The following TEX101 variants were observed in gnomAD, a reference collection of about 807,000 sequenced individuals.
TEX101 encodes the protein testis-expressed protein 101.
A neutral mutation model predicts 18.1 loss-of-function variants in TEX101; 10 were observed. The ratio of observed to expected loss-of-function variants is 0.55; its 90% CI spans 0.34 to 0.94. The LOEUF (loss-of-function observed/expected upper bound fraction) is 0.94. TEX101 is among the 40% of genes least tolerant of loss of function. The pLI is 0.02. For synonymous variants in TEX101, 94 were observed against 114.8 expected, an observed-to-expected ratio of 0.82 and a Z score of 1.16; for missense variants, 259 against 298.9, an observed-to-expected ratio of 0.87 and a Z score of 0.98.
chr19:43,412,756 T>G (rs1970429854), upstream of TEX101, among the ~76,000 whole-genome samples: 1 of 152,168 alleles, frequency 6.6e-6, no homozygotes, highest in African/African-American at 2.4e-5. Flanking sequence ...ACCAATCCCT[T>G]TCTTATTGTG....
upstream of TEX101, among the ~76,000 whole-genome samples, chr19:43,410,493 C>A (rs1970408967): frequency 6.6e-6 from 1 of 152,078 alleles, no homozygotes; most frequent in Non-Finnish European, 1.5e-5. Context: ...CCCAGGAATA[C>A]AGGAAGCATG....
chr19:43,411,223 C>T (rs534106234), upstream of TEX101, among the ~76,000 whole-genome samples: 17 of 152,230 alleles, frequency 1.1e-4, no homozygotes, highest in Admixed American at 3.3e-4. Flanking sequence ...ATTACAGGGG[C>T]GCACCACCAC....
At chr19:43,405,527 T>C (rs1970352719) in intron 2 of TEX101, among the ~76,000 whole-genome samples, 1 of 86,118 alleles carries the variant, frequency 1.2e-5, no homozygotes, top group Admixed American at 1.8e-4. Context: ...GCCAAGACCA[T>C]GACAAGAACA....
upstream of TEX101, among the ~76,000 whole-genome samples, chr19:43,400,757 G>A (rs1378826518): frequency 6.6e-6 from 1 of 151,984 alleles, no homozygotes. Context: ...TTTTAATAAG[G>A]TAAAATATTT....
chr19:43,403,726 T>C (rs1437251474), intron 2 of TEX101, among the ~76,000 whole-genome samples: 1 of 151,466 alleles, frequency 6.6e-6, no homozygotes, highest in African/African-American at 2.4e-5. Context: ...AGTATTAAGC[T>C]ACTGGACTCT....
rs545401900 is a variant in TEX101, at chr19:43,418,502, T to A, written c.*105T>A. On this transcript the variant is annotated 3_prime_UTR_variant, in exon 6 of 6. Transcript: ENST00000598265. ...GAGTAGATGGGAATTTGAGGGAGAA[T>A]ACAGAGATACTATGAACGTATTTGA... is the stretch of plus-strand genomic sequence containing the variant. 3 of 878,806 alleles carry A rather than the reference T, an allele frequency of 3.4e-6. No individual in the cohort carries two copies. In the African/African-American group the frequency reaches 5.0e-5, roughly 15 times the overall value. 54.4% of individuals were successfully genotyped at this position (878,806 alleles called of 1,614,324 possible). A position where few individuals can be genotyped will look rare whatever the true frequency, so the allele number is the denominator to read the frequency against.
At chr19:43,388,890 C>T in the TEX101 span, among the ~76,000 whole-genome samples, 1 of 152,006 alleles carries the variant, frequency 6.6e-6, no homozygotes, top group Non-Finnish European at 1.5e-5. Flanking sequence ...TTCCAGCAAC[C>T]CCCACCCAAC....
At chr19:43,405,779 G>A (rs1374594807) in intron 2 of TEX101, among the ~76,000 whole-genome samples, 1 of 151,624 alleles carries the variant, frequency 6.6e-6, no homozygotes, top group Non-Finnish European at 1.5e-5. Context: ...AGCTGGGCGT[G>A]GTGGCATGTG....
chr19:43,389,188 GT>G, the TEX101 span, among the ~76,000 whole-genome samples: 1 of 152,230 alleles, frequency 6.6e-6, no homozygotes, highest in South Asian at 2.1e-4. Context: ...CTGCAGTGCA[GT>G]TTTTAAATGC....
chr19:43,391,406 C>CTTTTTTTTTTTTTTTTT, the TEX101 span, among the ~76,000 whole-genome samples: 1 of 95,894 alleles, frequency 1.0e-5, no homozygotes, highest in Non-Finnish European at 2.0e-5. Flanking sequence ...TTCTGTTTTT[C>CTTTTTTTTTTTTTTTTT]TTTTTTTTTT....
intron 3 of TEX101, among the ~76,000 whole-genome samples, chr19:43,409,625 A>C (rs1259308938): frequency 6.6e-6 from 1 of 151,964 alleles, no homozygotes; most frequent in Non-Finnish European, 1.5e-5. Context: ...AAAAAAAAAA[A>C]AGAAAGAAAG....
upstream of TEX101, among the ~76,000 whole-genome samples, chr19:43,410,102 T>C (rs1970405481): frequency 6.6e-6 from 1 of 152,094 alleles, no homozygotes; most frequent in South Asian, 2.1e-4. Flanking sequence ...TTTTGTAAGG[T>C]TTGCAGAAGA....
At position 43,417,927 on chromosome 19, in the gene TEX101, G is replaced by A. The variant is rs748094009; in HGVS notation, c.441G>A (p.Gly147=). Reference sequence around the variant, plus strand: ...ATTGTCCAACCTGTGTGGCTTTGGGGACCTGTTTCAGTGCTCCTTCTCTTC... The same window carrying A: ...ATTGTCCAACCTGTGTGGCTTTGGGAACCTGTTTCAGTGCTCCTTCTCTTC... ...TLHCPTCVAL[G]TCFSAPSLPC... Residue 147 remains glycine (G), a synonymous_variant, in exon 5 of 6, where the codon GGG becomes GGA. Transcript: ENST00000598265. 3.1e-6 allele frequency: 5 copies of A among 1,614,042 alleles called. No homozygotes were observed. Among genetic ancestry groups the A allele is most frequent in the Non-Finnish European group, 4.2e-6 (5 of 1,180,044 alleles).
upstream of TEX101, among the ~76,000 whole-genome samples, chr19:43,414,667 T>C (rs919192526): frequency 1.3e-5 from 2 of 152,134 alleles, no homozygotes; most frequent in African/African-American, 2.4e-5. Flanking sequence ...CACCCTCCAT[T>C]GCGTGCCTCT....
chr19:43,414,111 CA>C (rs1333399570), upstream of TEX101, among the ~76,000 whole-genome samples: 1 of 111,836 alleles, frequency 8.9e-6, no homozygotes, highest in Non-Finnish European at 1.7e-5. Context: ...GCAAAAAGAG[CA>C]AAAGTCTGTC....
the TEX101 span, among the ~76,000 whole-genome samples, chr19:43,389,341 A>T: frequency 6.6e-6 from 1 of 152,208 alleles, no homozygotes; most frequent in African/African-American, 2.4e-5. Context: ...CAGGATCCCG[A>T]ACAGCACCAG....
At chr19:43,402,874 G>T (rs1334027749) in intron 2 of TEX101, 21 of 152,182 alleles carry the variant, frequency 1.4e-4, no homozygotes, top group Admixed American at 1.4e-3. Flanking sequence ...GAGCCACCGC[G>T]TCCAGCCTAA....
Position 43,415,046 on chromosome 19 carries a change from A to T in TEX101, c.-40+8A>T, listed in dbSNP as rs1316189174. 1.0e-6 allele frequency: 1 copy of T among 985,244 alleles called. No individual in the cohort carries two copies. Among genetic ancestry groups the T allele is most frequent in the Non-Finnish European group, 1.2e-6 (1 of 829,938 alleles). The allele number at this position is 985,244 out of a possible 1,614,324, so 61.0% of individuals were successfully genotyped here. Reference sequence around the variant, plus strand: ...AGATTCCTGGATTCTGAGGAAAGAGAAGGCTGGGGACCCAGATCCTGGCTC... The same window carrying T: ...AGATTCCTGGATTCTGAGGAAAGAGTAGGCTGGGGACCCAGATCCTGGCTC... On this transcript the variant is annotated splice_region_variant and intron_variant, in intron 1 of 5. Transcript: ENST00000598265.
At chr19:43,395,777 T>C in the TEX101 span, among the ~76,000 whole-genome samples, 1 of 152,228 alleles carries the variant, frequency 6.6e-6, no homozygotes, top group Admixed American at 6.5e-5. Flanking sequence ...GTTGTGCATT[T>C]CATGCTGGGG....
Sources: gnomAD v4.1 joint callset for allele counts (sites outside exome capture counted in the v4.1 genomes callset) on GRCh38, gnomAD v4.1.1 for gene constraint, MANE v1.5 for transcripts, NCBI Gene and HGNC (gene_info 2026-07-23, HGNC 2026-07-21) for gene names.